Variants in CYP20A1 observed in about 807,000 individuals in gnomAD.
CYP20A1 encodes cytochrome P450 20A1.
CYP20A1 carries 61 observed loss-of-function variants against 61.4 expected under a neutral mutation model. The observed-to-expected ratio is 0.99, with a 90% confidence interval of 0.81 to 1.23. The LOEUF is 1.23. Ranked by LOEUF, CYP20A1 falls within the 50% of genes most tolerant of loss-of-function variation. The pLI is 0.00. For missense variants in CYP20A1, 530 were observed against 542.4 expected, an observed-to-expected ratio of 0.98 and a Z score of 0.23; for synonymous variants, 193 against 188.2, an observed-to-expected ratio of 1.03 and a Z score of -0.21.
intron 7 of CYP20A1, 111 bp downstream of exon 7, chr2:203,278,799 G>A: frequency 1.7e-6 from 1 of 588,136 alleles, no homozygotes. Flanking sequence ...AGGATCACTT[G>A]AACCCAAGAG....
chr2:203,240,531 A>C (rs564424509), intron 1 of CYP20A1, among the ~76,000 whole-genome samples: 5 of 152,362 alleles, frequency 3.3e-5, no homozygotes, highest in Admixed American at 2.6e-4. Flanking sequence ...TTGTGGGTAG[A>C]AATAAAGTTG....
chr2:203,262,070 G>A (rs899661780), intron 4 of CYP20A1, among the ~76,000 whole-genome samples: 36 of 152,102 alleles, frequency 2.4e-4, no homozygotes, highest in Non-Finnish European at 7.4e-5. Flanking sequence ...CATCACAGTG[G>A]CCTGCTCTGT....
At position 203,247,051 on chromosome 2, in the gene CYP20A1, A is replaced by T. The variant is rs1317116041; in HGVS notation, c.289+130A>T. On this transcript the variant is annotated intron_variant, in intron 3 of 12. Transcript: ENST00000356079. ...TGAGGCAGGTGGATCACATGAGGCC[A>T]GGAGTTCGAGACCAGCCTGGCCAAC... 26 of 794,398 alleles carry T rather than the reference A, an allele frequency of 3.3e-5. No individual in the cohort carries two copies. In the East Asian group the frequency reaches 7.1e-4, roughly 22 times the overall value. The allele number at this position is 794,398 out of a possible 1,614,324, so 49.2% of individuals were successfully genotyped here. A position where few individuals can be genotyped will look rare whatever the true frequency, so the allele number is the denominator to read the frequency against.
At chr2:203,250,800 C>CA (rs1559086303) in intron 3 of CYP20A1, among the ~76,000 whole-genome samples, 1 of 152,114 alleles carries the variant, frequency 6.6e-6, no homozygotes, top group Non-Finnish European at 1.5e-5. Context: ...TGCGGTGGCT[C>CA]ACGCCTGTAA....
Position 203,289,654 on chromosome 2 carries a change from A to G in CYP20A1, c.972-111A>G, listed in dbSNP as rs76599559. ...AGCAGATAAGAATTATGATGGGACT[A>G]TTTCAAGTTGGGAATGTTTGAGCAG... is the stretch of plus-strand genomic sequence containing the variant. On this transcript the variant is annotated intron_variant, in intron 9 of 12. Transcript: ENST00000356079. The G allele has an allele frequency of 7.4e-4, 359 of 482,154 alleles. 1 individual carries two copies. The highest frequency in any genetic ancestry group is 6.3e-3 in the African/African-American group (317 of 50,634). The allele number at this position is 482,154 out of a possible 1,614,324, so 29.9% of individuals were successfully genotyped here.
At chr2:203,240,048 A>G (rs1035694113) in intron 1 of CYP20A1, among the ~76,000 whole-genome samples, 1 of 152,178 alleles carries the variant, frequency 6.6e-6, no homozygotes, top group African/African-American at 2.4e-5. Context: ...GTGAGCCAAG[A>G]TCGCACCACT....
chr2:203,252,181 T>C lies in CYP20A1; in HGVS notation c.432+72T>C. The C allele has an allele frequency of 2.5e-6, 3 of 1,183,374 alleles. No individual in the cohort carries two copies. The East Asian group carries it at 8.4e-5, about 33-fold the overall frequency. The allele number at this position is 1,183,374 out of a possible 1,614,324, so 73.3% of individuals were successfully genotyped here. ...AGTATTTATTTTTTGAGTATTGGTG[T>C]GTACTATCTTTGTTACTCTTTTCTT... On this transcript the variant is annotated intron_variant, in intron 4 of 12. Transcript: ENST00000356079.
chr2:203,293,466 C>T (rs1033473656), intron 11 of CYP20A1, among the ~76,000 whole-genome samples: 8 of 150,126 alleles, frequency 5.3e-5, no homozygotes, highest in African/African-American at 1.7e-4. Flanking sequence ...CCACCCGCCT[C>T]AGCCTCCCAA....
intron 5 of CYP20A1, among the ~76,000 whole-genome samples, chr2:203,271,876 A>T (rs1031081584): frequency 3.3e-5 from 5 of 152,106 alleles, no homozygotes; most frequent in Non-Finnish European, 5.9e-5. Flanking sequence ...AAATACAAAA[A>T]TTAGCTGGGC....
intron 8 of CYP20A1, among the ~76,000 whole-genome samples, chr2:203,281,397 T>C (rs1033870983): frequency 1.3e-5 from 2 of 151,966 alleles, no homozygotes; most frequent in African/African-American, 2.4e-5. Context: ...ATCCCAGTTA[T>C]GTAAGGAAGG....
chr2:203,264,003 G>A (rs1172459160), intron 4 of CYP20A1, among the ~76,000 whole-genome samples: 2 of 151,980 alleles, frequency 1.3e-5, no homozygotes, highest in Non-Finnish European at 1.5e-5. Context: ...GGGGGCGTGG[G>A]TGTTTTGTTT....
chr2:203,280,205 G>A, intron 8 of CYP20A1, 92 bp downstream of exon 8: 3 of 954,906 alleles, frequency 3.1e-6, no homozygotes, highest in Non-Finnish European at 4.5e-6. Context: ...ACTTGGGGAG[G>A]CTGAGGTGGG....
At chr2:203,292,130 T>C (rs1200562819) in intron 10 of CYP20A1, 132 bp from the exon 11 acceptor site, 2 of 528,124 alleles carry the variant, frequency 3.8e-6, no homozygotes, top group Admixed American at 6.4e-5. Flanking sequence ...TCACTTGTGG[T>C]TTCTTGCATT....
At chr2:203,249,063 C>G (rs2066564700) in intron 3 of CYP20A1, among the ~76,000 whole-genome samples, 1 of 152,086 alleles carries the variant, frequency 6.6e-6, no homozygotes, top group Non-Finnish European at 1.5e-5. Context: ...AATATCAGGT[C>G]ATAAAGGTAA....
rs899800217 is a variant in CYP20A1, at chr2:203,296,398, A to G, written c.1149-76A>G. 3 of 804,326 alleles carry G rather than the reference A, an allele frequency of 3.7e-6. No homozygotes were observed. The African/African-American group carries it at 5.2e-5, about 14-fold the overall frequency. The allele number at this position is 804,326 out of a possible 1,614,324, so 49.8% of individuals were successfully genotyped here. On this transcript the variant is annotated intron_variant, in intron 11 of 12. Coordinates refer to ENST00000356079, the MANE Select transcript of CYP20A1 (RefSeq NM_177538.3). ...CAGTTGATTTTTAACTTTGTTACAT[A>G]CTTGTGTTCTTTTAGTGTCAACATG...
Position 203,289,751 on chromosome 2 carries a change from T to G in CYP20A1, c.972-14T>G, listed in dbSNP as rs750490071. 2.6e-6 allele frequency: 4 copies of G among 1,510,114 alleles called. No individual in the cohort carries two copies. Among genetic ancestry groups the G allele is most frequent in the South Asian group, 1.3e-5 (1 of 76,366 alleles). The allele number at this position is 1,510,114 out of a possible 1,614,324, so 93.5% of individuals were successfully genotyped here. On this transcript the variant is annotated splice_polypyrimidine_tract_variant and intron_variant, in intron 9 of 12. Coordinates refer to ENST00000356079, the MANE Select transcript of CYP20A1 (RefSeq NM_177538.3). ...CCAAAATAAACATCTTCAAAAAAAA[T>G]TTTTTTAAAACAGATATTGTCAGCA...
chr2:203,291,961 G>C (rs2068555532), intron 10 of CYP20A1, among the ~76,000 whole-genome samples: 1 of 152,060 alleles, frequency 6.6e-6, no homozygotes, highest in Non-Finnish European at 1.5e-5. Flanking sequence ...AGTTTGCTGA[G>C]AATGATGGTT....
At chr2:203,273,571 G>C (rs896500424) in intron 6 of CYP20A1, among the ~76,000 whole-genome samples, 2 of 152,120 alleles carry the variant, frequency 1.3e-5, no homozygotes, top group African/African-American at 2.4e-5. Context: ...AGGCTGAGAT[G>C]AGAGGATCAC....
At chr2:203,247,717 C>T (rs1158884388) in intron 3 of CYP20A1, among the ~76,000 whole-genome samples, 1 of 151,876 alleles carries the variant, frequency 6.6e-6, no homozygotes, top group African/African-American at 2.4e-5. Flanking sequence ...ATTAGCTGAG[C>T]GTGGTGAGGT....
Sources: gnomAD v4.1 joint callset for allele counts (sites outside exome capture counted in the v4.1 genomes callset) on GRCh38, gnomAD v4.1.1 for gene constraint, MANE v1.5 for transcripts, NCBI Gene and HGNC (gene_info 2026-07-23, HGNC 2026-07-21) for gene names.